The following PTGER4 variants were observed in gnomAD, a reference collection of about 807,000 sequenced individuals.
The protein encoded by PTGER4 is prostaglandin E2 receptor EP4 subtype.
A neutral mutation model predicts 33.2 loss-of-function variants in PTGER4; 11 were observed. That is an observed-to-expected ratio of 0.33 (90% CI 0.21 to 0.55). The LOEUF (loss-of-function observed/expected upper bound fraction) is 0.55, where lower values mean the gene tolerates loss of function less well. PTGER4 is among the 20% of genes least tolerant of loss of function. The pLI, the probability that PTGER4 is intolerant of heterozygous loss-of-function variation, is 0.92. For synonymous variants in PTGER4, 275 were observed against 281.5 expected (o/e 0.98, Z 0.23); for missense variants, 481 against 650.2 (o/e 0.74, Z 2.83).
At position 40,691,564 on chromosome 5, in the gene PTGER4, C is replaced by A. The variant is rs554792603; in HGVS notation, c.868-215C>A. 1.1e-4 allele frequency among the ~76,000 whole-genome samples: 16 copies of A among 152,342 alleles called. No individual in the cohort carries two copies. Among genetic ancestry groups the A allele is most frequent in the Middle Eastern group, 3.4e-3 (1 of 292 alleles). On this transcript the variant is annotated intron_variant, in intron 2 of 2. Transcript: ENST00000302472. This position sits in a 1 kb window ranked among gnomAD's most constrained non-coding sequence, Gnocchi z 4.2. ...CTCCTGACCTCAAGTGATCCTCCCA[C>A]CTCGGCCTCCCAAAGTGCTGGGATT...
chr5:40,707,199 C>T, the PTGER4 span, among the ~76,000 whole-genome samples: 52,092 of 151,890 alleles, frequency 0.34, 10,030 homozygotes, highest in Admixed American at 0.45. Flanking sequence ...TAAATGTAAA[C>T]GGGATAAATG....
chr5:40,696,655 A>G (rs1372232649), downstream of PTGER4: 1 of 984,368 alleles, frequency 1.0e-6, no homozygotes, highest in African/African-American at 1.7e-5. Flanking sequence ...TTGCCAGGCC[A>G]TCAACCCCAT....
downstream of PTGER4, among the ~76,000 whole-genome samples, chr5:40,697,305 G>A (rs945102693): frequency 7.0e-6 from 1 of 143,048 alleles, no homozygotes; most frequent in African/African-American, 2.6e-5. Flanking sequence ...AAAAAGAAAG[G>A]CCAGGCACAG....
the PTGER4 span, among the ~76,000 whole-genome samples, chr5:40,746,590 T>TTA: frequency 6.6e-6 from 1 of 152,182 alleles, no homozygotes. Context: ...GAAAACTATT[T>TTA]TACAAACTTT....
the PTGER4 span, among the ~76,000 whole-genome samples, chr5:40,707,629 G>T: frequency 6.6e-6 from 1 of 152,124 alleles, no homozygotes; most frequent in Non-Finnish European, 1.5e-5. Flanking sequence ...CCACGAGACA[G>T]AAAGTTAACA....
At position 40,681,520 on chromosome 5, in the gene PTGER4, C is replaced by T. The variant is rs1286068637; in HGVS notation, c.527C>T (p.Thr176Ile). The T allele has an allele frequency of 1.1e-5, 17 of 1,613,140 alleles. No homozygotes were observed. Among genetic ancestry groups the T allele is most frequent in the Non-Finnish European group, 1.4e-5 (17 of 1,180,036 alleles). ...ACCTGGTGCTTCATCGACTGGACCA[C>T]CAACGTGACGGCGCACGCCGCCTAC... The part of the protein sequence containing the change: ...PDTWCFIDWT[T>I]NVTAHAAYSY... The change falls in exon 2 of 3, where the codon ACC becomes ATC. Residue 176 changes from threonine to isoleucine, a missense_variant. Around this residue, in one of 7 missense-constraint regions of PTGER4, gnomAD observed 174 missense variants for 210.5 expected, o/e 0.83. Transcript: ENST00000302472. The surrounding 1 kb of genome is among the most constrained non-coding windows in gnomAD (Gnocchi z 9.8).
chr5:40,683,385 C>T lies in PTGER4; in HGVS notation c.867+1525C>T, dbSNP rs1247557617. Among the ~76,000 whole-genome samples the T allele has an allele frequency of 6.6e-6, 1 of 152,150 alleles. No individual in the cohort carries two copies. Among genetic ancestry groups the T allele is most frequent in the Admixed American group, 6.5e-5 (1 of 15,280 alleles). On this transcript the variant is annotated intron_variant, in intron 2 of 2. Coordinates refer to ENST00000302472, the MANE Select transcript of PTGER4 (RefSeq NM_000958.3). The surrounding 1 kb of genome is among the most constrained non-coding windows in gnomAD (Gnocchi z 4.2). Reference sequence around the variant, plus strand: ...CCATTCCAGGACCCAATATAATTTACAGAGTTAAGTCACACTTGAGCCACA... The same window carrying T: ...CCATTCCAGGACCCAATATAATTTATAGAGTTAAGTCACACTTGAGCCACA...
rs552043222 is a variant in PTGER4, at chr5:40,681,739, C to T, written c.746C>T (p.Pro249Leu). The T allele has an allele frequency of 1.9e-6, 3 of 1,596,506 alleles. No homozygotes were observed. The highest frequency in any genetic ancestry group is 2.6e-6 in the Non-Finnish European group (3 of 1,176,094). ...RGHPAASPAL[P>L]RLSDFRRRRS... ...CACCCCGCTGCCTCCCCAGCCTTGC[C>T]GCGCCTCAGCGACTTTCGGCGCCGC... The change falls in exon 2 of 3, where the codon CCG (proline) becomes CTG (leucine). Residue 249 changes from proline to leucine, a missense_variant. By Grantham distance (98) the Pro-to-Leu change is moderately conservative (BLOSUM62 -3). Around this residue, in one of 7 missense-constraint regions of PTGER4, gnomAD observed 174 missense variants for 210.5 expected, o/e 0.83. Transcript: ENST00000302472. The surrounding 1 kb of genome is among the most constrained non-coding windows in gnomAD (Gnocchi z 9.8).
At chr5:40,738,912 T>G in the PTGER4 span, among the ~76,000 whole-genome samples, 1 of 152,196 alleles carries the variant, frequency 6.6e-6, no homozygotes, top group Non-Finnish European at 1.5e-5. Flanking sequence ...TTCTTCCTAC[T>G]GAGTTGTAAG....
chr5:40,706,244 C>T, the PTGER4 span, among the ~76,000 whole-genome samples: 1 of 152,126 alleles, frequency 6.6e-6, no homozygotes, highest in African/African-American at 2.4e-5. Context: ...CCAAATACTA[C>T]ATGTTCTCAC....
At chr5:40,722,384 G>C in the PTGER4 span, among the ~76,000 whole-genome samples, 1 of 152,018 alleles carries the variant, frequency 6.6e-6, no homozygotes, top group Admixed American at 6.5e-5. Flanking sequence ...GGGATGTGAG[G>C]AGCCCCTCTG....
At chr5:40,723,534 A>G in the PTGER4 span, among the ~76,000 whole-genome samples, 2 of 151,768 alleles carry the variant, frequency 1.3e-5, no homozygotes, top group Non-Finnish European at 2.9e-5. Context: ...AAAAAGAAAT[A>G]TCACCTCACA....
At chr5:40,703,119 A>G in the PTGER4 span, among the ~76,000 whole-genome samples, 1 of 152,296 alleles carries the variant, frequency 6.6e-6, no homozygotes, top group Admixed American at 6.5e-5. Context: ...GAAGCAGAAC[A>G]AATCAACTGC....
the PTGER4 span, among the ~76,000 whole-genome samples, chr5:40,704,074 T>C: frequency 6.6e-6 from 1 of 151,934 alleles, no homozygotes; most frequent in Non-Finnish European, 1.5e-5. Context: ...TGAACATTAA[T>C]GCAAATATTC....
chr5:40,690,005 T>C (rs761949586), intron 2 of PTGER4, among the ~76,000 whole-genome samples: 2 of 152,098 alleles, frequency 1.3e-5, no homozygotes, highest in Non-Finnish European at 2.9e-5. Context: ...CCAGTGGAAT[T>C]AGAAGTAATA....
At chr5:40,716,645 C>T in the PTGER4 span, 6 of 586,596 alleles carry the variant, frequency 1.0e-5, no homozygotes, top group East Asian at 2.9e-5. Context: ...ATGGAAGCTA[C>T]GGTGTTGCCC....
the PTGER4 span, among the ~76,000 whole-genome samples, chr5:40,720,716 G>A: frequency 1.9e-3 from 285 of 152,148 alleles, 3 homozygotes; most frequent in African/African-American, 6.5e-3. Context: ...TAACTGAAAG[G>A]CTCCTGCACC....
At position 40,681,413 on chromosome 5, in the gene PTGER4, C is replaced by A; in HGVS notation, c.420C>A (p.Leu140=). The change falls in exon 2 of 3, where the codon CTC becomes CTA. Residue 140 remains leucine, a synonymous_variant. Coordinates refer to ENST00000302472, the MANE Select transcript of PTGER4 (RefSeq NM_000958.3). This position sits in a 1 kb window ranked among gnomAD's most constrained non-coding sequence, Gnocchi z 9.8. ...YVDKRLAGLT[L]FAVYASNVLF... ...ACAAGCGATTGGCGGGCCTCACGCT[C>A]TTTGCAGTCTATGCGTCCAACGTGC... is the stretch of plus-strand genomic sequence containing the variant. 1 of 1,614,058 alleles carries A rather than the reference C, an allele frequency of 6.2e-7. No individual in the cohort carries two copies. Among genetic ancestry groups the A allele is most frequent in the East Asian group, 2.2e-5 (1 of 44,874 alleles).
rs1484961594 is a variant in PTGER4, at chr5:40,691,292, C to T, written c.868-487C>T. 6.6e-6 allele frequency among the ~76,000 whole-genome samples: 1 copy of T among 152,250 alleles called. No homozygotes were observed. On this transcript the variant is annotated intron_variant, in intron 2 of 2. Coordinates refer to ENST00000302472, the MANE Select transcript of PTGER4 (RefSeq NM_000958.3). This position sits in a 1 kb window ranked among gnomAD's most constrained non-coding sequence, Gnocchi z 4.2. ...CGCCTCCCAGGTTCAAATGATTCTC[C>T]TGCCTCAGCCTCCCGAGTAGCTGGG...
Sources: gnomAD v4.1 joint callset for allele counts (sites outside exome capture counted in the v4.1 genomes callset) on GRCh38, gnomAD v4.1.1 for gene constraint, gnomAD v4.1.1 regional missense constraint, Gnocchi (gnomAD v3.1) non-coding constraint, MANE v1.5 for transcripts, NCBI Gene and HGNC (gene_info 2026-07-23, HGNC 2026-07-21) for gene names.